Variants in EBF4 observed in about 807,000 individuals in gnomAD.
EBF4 encodes the protein EBF transcription factor 4.
EBF4 carries 34 observed loss-of-function variants against 67.1 expected under a neutral mutation model. The observed-to-expected ratio is 0.51, with a 90% CI of 0.39 to 0.67. EBF4 has a LOEUF of 0.67. Ranked by LOEUF, EBF4 falls within the 30% of genes least tolerant of loss-of-function variation. EBF4 has a pLI of 0.00. For synonymous variants in EBF4, 387 were observed against 377.7 expected, an observed-to-expected ratio of 1.02 and a Z score of -0.29; for missense variants, 837 against 873.3, an observed-to-expected ratio of 0.96 and a Z score of 0.52.
At chr20:2,697,033 C>A (rs752803560) in intron 1 of EBF4, among the ~76,000 whole-genome samples, 1 of 152,186 alleles carries the variant, frequency 6.6e-6, no homozygotes, top group South Asian at 2.1e-4. Flanking sequence ...GCTCCCAAGT[C>A]CCCTTATATT....
In EBF4 at chr20:2,693,635, C is replaced by A; in HGVS notation, c.-11C>A. On this transcript the variant is annotated 5_prime_UTR_variant, in exon 1 of 17. Coordinates refer to ENST00000609451, the Ensembl canonical transcript of EBF4. This position sits in a 1 kb window ranked among gnomAD's most constrained non-coding sequence, Gnocchi z 4.6. Reference sequence around the variant, plus strand: ...CGGGGCGGCGGGGGCGCTCACTCACCGCGCGCCCTCATGTTCCCTGCGCAG... The same window carrying A: ...CGGGGCGGCGGGGGCGCTCACTCACAGCGCGCCCTCATGTTCCCTGCGCAG... The A allele has an allele frequency of 7.1e-7, 1 of 1,405,864 alleles. No homozygotes were observed. The highest frequency in any genetic ancestry group is 9.2e-7 in the Non-Finnish European group (1 of 1,083,982). 87.1% of individuals were successfully genotyped at this position (1,405,864 alleles called of 1,614,324 possible). A position where few individuals can be genotyped will look rare whatever the true frequency, so the allele number is the denominator to read the frequency against.
chr20:2,749,446 G>A (rs576266102), exon 8 of EBF4: 4 of 1,548,182 alleles, frequency 2.6e-6, no homozygotes, highest in East Asian at 2.5e-5. Context: ...CGTGCTGGCC[G>A]TGTCCGACAA....
Position 2,745,188 on chromosome 20 carries a change from T to C in EBF4, c.558-3361T>C, listed in dbSNP as rs529028507. On this transcript the variant is annotated intron_variant, in intron 6 of 16. Coordinates refer to ENST00000609451, the Ensembl canonical transcript of EBF4. The surrounding 1 kb of genome is among the most constrained non-coding windows in gnomAD (Gnocchi z 5.2). Reference sequence around the variant, plus strand: ...GAGGGGAGGCCTGAGATTCTACACTTGTAGCAAGGTCTCAGGTGACGCTGA... The same window carrying C: ...GAGGGGAGGCCTGAGATTCTACACTCGTAGCAAGGTCTCAGGTGACGCTGA... Among the ~76,000 whole-genome samples, 6 of 152,284 alleles carry C rather than the reference T, an allele frequency of 3.9e-5. No individual in the cohort carries two copies. The South Asian group carries it at 1.2e-3, about 32-fold the overall frequency.
At chr20:2,732,235 C>G (rs73581918) in intron 6 of EBF4, among the ~76,000 whole-genome samples, 1,971 of 152,230 alleles carry the variant, frequency 0.013, 36 homozygotes, top group African/African-American at 0.045. Context: ...ATTCTGCCAC[C>G]TCAGCCCCCT....
chr20:2,751,911 C>T lies in EBF4; in HGVS notation c.1108-11C>T, dbSNP rs1327713224. On this transcript the variant is annotated splice_polypyrimidine_tract_variant and intron_variant, in intron 11 of 16. Transcript: ENST00000609451. The surrounding 1 kb of genome is among the most constrained non-coding windows in gnomAD (Gnocchi z 5.2). ...GCCCCTCCGTCCCGCTGTCTCTCCC[C>T]CTGTCCCCAGGAAGTGCTGCTGAAG... The T allele has an allele frequency of 1.3e-6, 2 of 1,549,438 alleles. No homozygotes were observed. Among genetic ancestry groups the T allele is most frequent in the South Asian group, 1.2e-5 (1 of 84,034 alleles).
In EBF4 at chr20:2,746,776, T is replaced by A. The variant is rs554329647; in HGVS notation, c.558-1773T>A. On this transcript the variant is annotated intron_variant, in intron 6 of 16. Coordinates refer to ENST00000609451, the Ensembl canonical transcript of EBF4. ...AGGTTTGGGACTCTTGTATTTGCTT[T>A]AGTAAATAGTATGGTAAAAATATCT... 9.2e-5 allele frequency among the ~76,000 whole-genome samples: 14 copies of A among 152,276 alleles called. No homozygotes were observed. In the East Asian group the frequency reaches 2.5e-3, roughly 27 times the overall value.
At chr20:2,729,563 A>C (rs531426176) in intron 6 of EBF4, among the ~76,000 whole-genome samples, 1 of 152,024 alleles carries the variant, frequency 6.6e-6, no homozygotes, top group African/African-American at 2.4e-5. Flanking sequence ...CTTCCTCCCC[A>C]TTGAGATGGG....
At chr20:2,729,353 C>T (rs948253129) in intron 6 of EBF4, among the ~76,000 whole-genome samples, 1 of 152,174 alleles carries the variant, frequency 6.6e-6, no homozygotes, top group Non-Finnish European at 1.5e-5. Flanking sequence ...GTTCTTAAAG[C>T]CACCCCCACC....
At chr20:2,725,407 T>C (rs997246342) in intron 6 of EBF4, among the ~76,000 whole-genome samples, 1 of 152,236 alleles carries the variant, frequency 6.6e-6, no homozygotes, top group African/African-American at 2.4e-5. Flanking sequence ...TTAGATCTTT[T>C]GCAATATGTC....
chr20:2,694,328 G>A (rs1303607791), intron 1 of EBF4, among the ~76,000 whole-genome samples: 1 of 152,194 alleles, frequency 6.6e-6, no homozygotes, highest in African/African-American at 2.4e-5. Flanking sequence ...TGGCTGGACT[G>A]ATTGGCCTGG....
rs565385650 is a variant in EBF4 at position 2,746,507 on chromosome 20, C to A, written c.558-2042C>A. ...GTATCTCTAGGAAGGTGACTGCCACCAGCTCCCAAGGAGGGGCTGCCTGCT... is the reference window on the plus strand; with the variant it reads ...GTATCTCTAGGAAGGTGACTGCCACAAGCTCCCAAGGAGGGGCTGCCTGCT... On this transcript the variant is annotated intron_variant, in intron 6 of 16. Coordinates refer to ENST00000609451, the Ensembl canonical transcript of EBF4. Among the ~76,000 whole-genome samples, 11 of 152,242 alleles carry A rather than the reference C, an allele frequency of 7.2e-5. No individual in the cohort carries two copies. The South Asian group carries it at 1.4e-3, about 20-fold the overall frequency.
At chr20:2,700,730 C>T (rs553641064) in intron 1 of EBF4, among the ~76,000 whole-genome samples, 2 of 120,736 alleles carry the variant, frequency 1.7e-5, no homozygotes, top group South Asian at 4.8e-4. Flanking sequence ...TTGTAATCAG[C>T]TTGTAATCTC....
chr20:2,737,045 G>A (rs11697264), intron 6 of EBF4, among the ~76,000 whole-genome samples: 1 of 151,732 alleles, frequency 6.6e-6, no homozygotes, highest in Non-Finnish European at 1.5e-5. Context: ...GTCAGGAGAT[G>A]GAGACCATCC....
chr20:2,705,100 G>A (rs1376754964), intron 1 of EBF4, among the ~76,000 whole-genome samples: 6 of 152,346 alleles, frequency 3.9e-5, no homozygotes, highest in Non-Finnish European at 7.3e-5. Context: ...GATGGACATC[G>A]CCATTCCCCA....
intron 15 of EBF4, among the ~76,000 whole-genome samples, chr20:2,757,502 G>A (rs1165083778): frequency 1.3e-5 from 2 of 152,236 alleles, no homozygotes; most frequent in East Asian, 1.9e-4. Flanking sequence ...CATCCAGAGG[G>A]TAGCCCATAT....
intron 1 of EBF4, among the ~76,000 whole-genome samples, chr20:2,701,475 C>T (rs1324671594): frequency 2.0e-5 from 3 of 152,324 alleles, no homozygotes; most frequent in East Asian, 1.9e-4. Flanking sequence ...CTTCCCAGGT[C>T]TGGTCCTCAG....
chr20:2,696,413 G>A lies in EBF4; in HGVS notation c.137+2631G>A, dbSNP rs966762016. 2.6e-5 allele frequency among the ~76,000 whole-genome samples: 4 copies of A among 152,058 alleles called. No individual in the cohort carries two copies. Among genetic ancestry groups the A allele is most frequent in the South Asian group, 2.1e-4 (1 of 4,820 alleles). On this transcript the variant is annotated intron_variant, in intron 1 of 16. Transcript: ENST00000609451. This position sits in a 1 kb window ranked among gnomAD's most constrained non-coding sequence, Gnocchi z 4.7. ...CTTGAGCCCGGGAGGCAGAGGCTTC[G>A]GTGAGCCAAGATCGCACCACTGTAC...
chr20:2,700,104 C>T (rs577836475), intron 1 of EBF4, among the ~76,000 whole-genome samples: 1 of 152,354 alleles, frequency 6.6e-6, no homozygotes, highest in South Asian at 2.1e-4. Flanking sequence ...CCAGCTCCCT[C>T]ACCCATCCCT....
intron 6 of EBF4, among the ~76,000 whole-genome samples, chr20:2,735,293 T>G (rs1235862328): frequency 1.3e-5 from 2 of 152,178 alleles, no homozygotes; most frequent in Non-Finnish European, 2.9e-5. Flanking sequence ...CCCCTTCCTA[T>G]GGTTGCTAGC....
Sources: gnomAD v4.1 joint callset for allele counts (sites outside exome capture counted in the v4.1 genomes callset) on GRCh38, gnomAD v4.1.1 for gene constraint, Gnocchi (gnomAD v3.1) non-coding constraint, MANE v1.5 for transcripts, NCBI Gene and HGNC (gene_info 2026-07-23, HGNC 2026-07-21) for gene names.